DNASE1L3: variants seen among roughly 807,000 people sequenced by gnomAD.
The protein encoded by DNASE1L3 is deoxyribonuclease gamma.
DNASE1L3 carries 27 observed loss-of-function variants against 30.9 expected under a neutral mutation model. That is an observed-to-expected ratio of 0.87 (90% CI 0.64 to 1.20). The LOEUF (loss-of-function observed/expected upper bound fraction) is 1.20, where lower values mean the gene tolerates loss of function less well. DNASE1L3 is among the 50% of genes most tolerant of loss of function. The probability of loss-of-function intolerance (pLI) is 0.00; values close to 1 mark genes in which losing one functional copy is unlikely to be tolerated. For missense variants in DNASE1L3, 364 were observed against 378.2 expected (o/e 0.96, Z 0.31); for synonymous variants, 135 against 138.0 (o/e 0.98, Z 0.15).
At chr3:58,203,097 C>T (rs1020520879) in intron 4 of DNASE1L3, among the ~76,000 whole-genome samples, 4 of 152,152 alleles carry the variant, frequency 2.6e-5, no homozygotes, top group Admixed American at 2.6e-4. Context: ...TGGGACTTCC[C>T]CTCATTCTCA....
At chr3:58,203,702 A>G (rs189597243) in intron 4 of DNASE1L3, among the ~76,000 whole-genome samples, 28 of 152,240 alleles carry the variant, frequency 1.8e-4, no homozygotes, top group African/African-American at 6.5e-4. Flanking sequence ...TGCGAGGCTG[A>G]GGTGCGAAGA....
At position 58,201,086 on chromosome 3, in the gene DNASE1L3, G is replaced by A. The variant is rs1432059714; in HGVS notation, c.457C>T (p.Pro153Ser). The A allele has an allele frequency of 6.2e-7, 1 of 1,609,990 alleles. No individual in the cohort carries two copies. The highest frequency in any genetic ancestry group is 8.5e-7 in the Non-Finnish European group (1 of 1,177,510). Residue 153 changes from proline (P) to serine (S), a missense_variant, in exon 5 of 8, where the codon CCC becomes TCC. Pro to Ser is a moderately conservative substitution (Grantham distance 74). Coordinates refer to ENST00000394549, the MANE Select transcript of DNASE1L3 (RefSeq NM_004944.4). ...HTAVKDFVII[P>S]LHTTPETSVK... ...GATGTCTCTGGGGTGGTGTGCAGGG[G>A]GATAATCACGAAGTCTTTGACAGCT...
Position 58,197,706 on chromosome 3 carries a change from G to C in DNASE1L3, c.704+115C>G. On this transcript the variant is annotated intron_variant, in intron 6 of 7. Coordinates refer to ENST00000394549, the MANE Select transcript of DNASE1L3 (RefSeq NM_004944.4). The surrounding 1 kb of genome is among the most constrained non-coding windows in gnomAD (Gnocchi z 5.3). ...GTACTCAAGCGATCCATCCATCGAG[G>C]CCTCCCAAAGTGCTAGGACTACTGG... is the stretch of plus-strand genomic sequence containing the variant. The C allele has an allele frequency of 7.1e-7, 1 of 1,412,116 alleles. No individual in the cohort carries two copies. The highest frequency in any genetic ancestry group is 1.2e-5 in the South Asian group (1 of 80,802). The allele number at this position is 1,412,116 out of a possible 1,614,324, so 87.5% of individuals were successfully genotyped here. A position where few individuals can be genotyped will look rare whatever the true frequency, so the allele number is the denominator to read the frequency against.
At chr3:58,201,763 A>G (rs2097400684) in intron 4 of DNASE1L3, among the ~76,000 whole-genome samples, 1 of 152,268 alleles carries the variant, frequency 6.6e-6, no homozygotes, top group South Asian at 2.1e-4. Flanking sequence ...GAGAGACAGG[A>G]CACAGTAGCA....
chr3:58,193,409 A>G lies in DNASE1L3; in HGVS notation c.735T>C (p.Ser245=). 1 of 1,614,028 alleles carries G rather than the reference A, an allele frequency of 6.2e-7. No homozygotes were observed. Among genetic ancestry groups the G allele is most frequent in the East Asian group, 2.2e-5 (1 of 44,874 alleles). The change falls in exon 7 of 8, where the codon AGT becomes AGC. Residue 245 remains serine, a synonymous_variant. Coordinates refer to ENST00000394549, the MANE Select transcript of DNASE1L3 (RefSeq NM_004944.4). ...CACTGTTTGACTTGGGAACAACAGA[A>G]CTGACGATTTCTTGTCCTCTAAGCA... ...RIVLRGQEIV[S]SVVPKSNSVF... is the part of the protein sequence containing the mutation.
intron 5 of DNASE1L3, among the ~76,000 whole-genome samples, chr3:58,199,795 A>G (rs928034739): frequency 6.6e-6 from 1 of 152,252 alleles, no homozygotes; most frequent in Non-Finnish European, 1.5e-5. Context: ...TTCTTGTTTA[A>G]TAAGTGAATG....
intron 4 of DNASE1L3, 75 bp downstream of exon 4, chr3:58,204,694 G>T: frequency 8.0e-7 from 1 of 1,255,122 alleles, no homozygotes; most frequent in African/African-American, 1.5e-5. Context: ...TCCTTAATGG[G>T]CTCATGCTCA....
chr3:58,210,844 C>T lies in DNASE1L3; in HGVS notation c.63G>A (p.Met21Ile), dbSNP rs777073900. 2 of 1,614,038 alleles carry T rather than the reference C, an allele frequency of 1.2e-6. No individual in the cohort carries two copies. The highest frequency in any genetic ancestry group is 2.7e-5 in the African/African-American group (2 of 74,922). ...LLLSIHSALA[M>I]RICSFNVRSF... is the part of the protein sequence containing the mutation. The stretch of plus-strand genomic sequence containing the variant: ...ACCTGACGTTGAAGGAGCAGATCCT[C>T]ATGGCCAGGGCGCTGTGGATGGAGA... Residue 21 changes from methionine to isoleucine, a missense_variant, in exon 1 of 8, where the codon ATG (methionine) becomes ATA (isoleucine). Transcript: ENST00000394549.
At chr3:58,201,852 A>T (rs1306911300) in intron 4 of DNASE1L3, among the ~76,000 whole-genome samples, 1 of 152,182 alleles carries the variant, frequency 6.6e-6, no homozygotes, top group East Asian at 1.9e-4. Context: ...ATCTGCAAGG[A>T]GCACCCTTTC....
At chr3:58,205,695 G>A in intron 2 of DNASE1L3, 135 bp from the exon 3 acceptor site, 3 of 704,604 alleles carry the variant, frequency 4.3e-6, no homozygotes, top group South Asian at 1.8e-5. Context: ...TAACCTTTGA[G>A]TCCAATGAGA....
In DNASE1L3 at chr3:58,197,279, G is replaced by C. The variant is rs1466240641; in HGVS notation, c.704+542C>G. ...ACAGACATATGAAGTGATAATGTCAGGATTTAAATCCAGGCCTATCTGATA... is the reference window on the plus strand; with the variant it reads ...ACAGACATATGAAGTGATAATGTCACGATTTAAATCCAGGCCTATCTGATA... On this transcript the variant is annotated intron_variant, in intron 6 of 7. Transcript: ENST00000394549. The surrounding 1 kb of genome is among the most constrained non-coding windows in gnomAD (Gnocchi z 5.3). Among the ~76,000 whole-genome samples, 2 of 152,162 alleles carry C rather than the reference G, an allele frequency of 1.3e-5. No individual in the cohort carries two copies. The highest frequency in any genetic ancestry group is 1.3e-4 in the Admixed American group (2 of 15,286).
intron 6 of DNASE1L3, among the ~76,000 whole-genome samples, chr3:58,195,616 A>G (rs1186704387): frequency 7.0e-6 from 1 of 143,008 alleles, no homozygotes; most frequent in East Asian, 2.0e-4. Flanking sequence ...AAAATTACAA[A>G]AAAAAAAAAA....
Position 58,210,740 on chromosome 3 carries a change from A to T in DNASE1L3, c.141+26T>A, listed in dbSNP as rs760998289. 3.7e-6 allele frequency: 6 copies of T among 1,613,750 alleles called. No homozygotes were observed. The African/African-American group carries it at 8.0e-5, about 22-fold the overall frequency. On this transcript the variant is annotated intron_variant, in intron 1 of 7. Coordinates refer to ENST00000394549, the MANE Select transcript of DNASE1L3 (RefSeq NM_004944.4). ...AGAGAGGGTGTGAGGGGTGTCTGGG[A>T]TCCTCCTCCCAGGAAAGGGGCTCAC...
In DNASE1L3 at chr3:58,199,250, A is replaced by T. The variant is rs9881066; in HGVS notation, c.547-1272T>A. ...CAGGCCTAGCACTAGGTGTTTTTAAATTTACACCTGGCAGCAATAAACAAT... is the reference window on the plus strand; with the variant it reads ...CAGGCCTAGCACTAGGTGTTTTTAATTTTACACCTGGCAGCAATAAACAAT... On this transcript the variant is annotated intron_variant, in intron 5 of 7. Transcript: ENST00000394549. Among the ~76,000 whole-genome samples, 1,053 of 152,266 alleles carry T rather than the reference A, an allele frequency of 6.9e-3. 8 individuals are homozygous for T. Among genetic ancestry groups the T allele is most frequent in the African/African-American group, 0.024 (986 of 41,546 alleles).
Position 58,204,753 on chromosome 3 carries a change from C to T in DNASE1L3, c.433+16G>A. On this transcript the variant is annotated intron_variant, in intron 4 of 7. Coordinates refer to ENST00000394549, the MANE Select transcript of DNASE1L3 (RefSeq NM_004944.4). Reference sequence around the variant, plus strand: ...GTTGGGGAGGTCCCAGACAGAAAGGCCTGTGTGGGTCTTACCAGTGTGGGG... The same window carrying T: ...GTTGGGGAGGTCCCAGACAGAAAGGTCTGTGTGGGTCTTACCAGTGTGGGG... The T allele has an allele frequency of 1.2e-6, 2 of 1,608,988 alleles. No individual in the cohort carries two copies. Among genetic ancestry groups the T allele is most frequent in the Non-Finnish European group, 1.7e-6 (2 of 1,175,660 alleles).
intron 6 of DNASE1L3, among the ~76,000 whole-genome samples, chr3:58,195,468 T>G (rs1316995278): frequency 6.6e-6 from 1 of 151,914 alleles, no homozygotes; most frequent in Non-Finnish European, 1.5e-5. Context: ...GGCCTATGAC[T>G]TTTTAAAAGC....
At chr3:58,205,429 T>G in intron 3 of DNASE1L3, 42 bp downstream of exon 3, 1 of 1,535,080 alleles carries the variant, frequency 6.5e-7, no homozygotes, top group Non-Finnish European at 9.0e-7. Flanking sequence ...CAATTCACGA[T>G]TTATTGGTGG....
chr3:58,210,810 C>G lies in DNASE1L3; in HGVS notation c.97G>C (p.Glu33Gln), dbSNP rs201136542. 4 of 1,614,142 alleles carry G rather than the reference C, an allele frequency of 2.5e-6. No homozygotes were observed. The highest frequency in any genetic ancestry group is 1.7e-6 in the Non-Finnish European group (2 of 1,180,028). ...ICSFNVRSFG[E>Q]SKQEDKNAMD... ...GCATTCTTGTCTTCCTGCTTGCTTT[C>G]CCCAAAGGACCTGACGTTGAAGGAG... is the stretch of plus-strand genomic sequence containing the variant. The change falls in exon 1 of 8, where the codon GAA becomes CAA. Residue 33 changes from glutamate (E) to glutamine (Q), a missense_variant. Coordinates refer to ENST00000394549, the MANE Select transcript of DNASE1L3 (RefSeq NM_004944.4).
In DNASE1L3 at chr3:58,205,501, G is replaced by A. The variant is rs1468219113; in HGVS notation, c.290C>T (p.Thr97Ile). The change falls in exon 3 of 8, where the codon ACA (threonine) becomes ATA (isoleucine). Residue 97 changes from threonine to isoleucine, a missense_variant. Transcript: ENST00000394549. ...YVISSRLGRN[T>I]YKEQYAFLYK... ...GAGAAAGGCATATTGTTCTTTATAT[G>A]TGTTTCTTCCAAGCCGAGAGCTAAT... 1.2e-6 allele frequency: 2 copies of A among 1,613,638 alleles called. No homozygotes were observed. The highest frequency in any genetic ancestry group is 1.7e-6 in the Non-Finnish European group (2 of 1,179,606).
Sources: allele counts gnomAD v4.1 joint callset (sites outside exome capture counted in the v4.1 genomes callset), GRCh38; gene constraint gnomAD v4.1.1; non-coding constraint Gnocchi (gnomAD v3.1); transcripts MANE v1.5; gene names NCBI Gene and HGNC (gene_info 2026-07-23, HGNC 2026-07-21).